The following DSCAML1 variants were observed in gnomAD, a reference collection of about 807,000 sequenced individuals.
DSCAML1 encodes cell adhesion molecule DSCAML1.
DSCAML1 carries 38 observed loss-of-function variants against 200.5 expected under a neutral mutation model. The ratio of observed to expected loss-of-function variants is 0.19; its 90% CI spans 0.15 to 0.25. The LOEUF (loss-of-function observed/expected upper bound fraction) is 0.25, where lower values mean the gene tolerates loss of function less well. Among genes scored for constraint, DSCAML1 ranks in the 10% least tolerant of loss-of-function variants. The pLI is 1.00. For missense variants in DSCAML1, 2,223 were observed against 2,858.8 expected (o/e 0.78, Z 5.07); for synonymous variants, 1,215 against 1,165.0 (o/e 1.04, Z -0.87).
chr11:117,542,640 G>A (rs943685492), intron 3 of DSCAML1, among the ~76,000 whole-genome samples: 3 of 152,226 alleles, frequency 2.0e-5, no homozygotes, highest in African/African-American at 2.4e-5. Context: ...TAAAAACTGC[G>A]AGAAAAGCAC....
chr11:117,632,177 A>G (rs80289671), intron 3 of DSCAML1, among the ~76,000 whole-genome samples: 5,903 of 152,318 alleles, frequency 0.039, 382 homozygotes, highest in African/African-American at 0.13. Flanking sequence ...GAGAGACATC[A>G]GCAGTAAACT....
At chr11:117,500,929 G>A (rs549120601) in intron 11 of DSCAML1, among the ~76,000 whole-genome samples, 23 of 152,264 alleles carry the variant, frequency 1.5e-4, no homozygotes, top group Admixed American at 6.5e-4. Context: ...GTTATTTTGG[G>A]TCAAAACTTT....
Position 117,516,839 on chromosome 11 carries a change from T to C in DSCAML1, c.1511-100A>G. 1 of 1,429,958 alleles carries C rather than the reference T, an allele frequency of 7.0e-7. No homozygotes were observed. The highest frequency in any genetic ancestry group is 9.3e-7 in the Non-Finnish European group (1 of 1,069,558). 88.6% of individuals were successfully genotyped at this position (1,429,958 alleles called of 1,614,324 possible). A position where few individuals can be genotyped will look rare whatever the true frequency, so the allele number is the denominator to read the frequency against. On this transcript the variant is annotated intron_variant, in intron 7 of 32. Transcript: ENST00000651296. The surrounding 1 kb of genome is among the most constrained non-coding windows in gnomAD (Gnocchi z 5.7). ...ACCCTGCGGTGCTCTTCTCAGGCAC[T>C]CGGCCCCTGAGACTTTCGGGGGCGG... is the stretch of plus-strand genomic sequence containing the variant.
chr11:117,559,109 AAAG>A (rs1204624017), intron 3 of DSCAML1, among the ~76,000 whole-genome samples: 2 of 147,716 alleles, frequency 1.4e-5, no homozygotes, highest in Non-Finnish European at 3.0e-5. Flanking sequence ...ATGGGGAAAA[AAAG>A]AAAAAGAAAG....
chr11:117,456,876 T>C (rs2048381282), intron 19 of DSCAML1, among the ~76,000 whole-genome samples: 2 of 152,238 alleles, frequency 1.3e-5, no homozygotes, highest in Admixed American at 6.5e-5. Flanking sequence ...GGTTTCCCCA[T>C]GTTGTCCAGG....
intron 3 of DSCAML1, among the ~76,000 whole-genome samples, chr11:117,737,327 A>G (rs1279390411): frequency 2.0e-5 from 3 of 152,248 alleles, no homozygotes; most frequent in African/African-American, 7.2e-5. Flanking sequence ...AACAAGGGCC[A>G]GGTTCCGCAT....
chr11:117,515,778 G>A (rs1411353209), intron 8 of DSCAML1, among the ~76,000 whole-genome samples: 1 of 151,730 alleles, frequency 6.6e-6, no homozygotes, highest in Non-Finnish European at 1.5e-5. Flanking sequence ...CTACCACCAC[G>A]CCCGGCTAAT....
intron 3 of DSCAML1, among the ~76,000 whole-genome samples, chr11:117,636,625 A>G (rs919335800): frequency 1.3e-5 from 2 of 152,148 alleles, no homozygotes; most frequent in Non-Finnish European, 2.9e-5. Context: ...TGCCTCACTG[A>G]AACCCCCAAC....
At chr11:117,743,098 G>C (rs11826147) in intron 3 of DSCAML1, among the ~76,000 whole-genome samples, 8,191 of 152,260 alleles carry the variant, frequency 0.054, 315 homozygotes, top group East Asian at 0.11. Context: ...CTCTGTGCTA[G>C]GAGAGAGAAT....
At chr11:117,525,152 A>T in intron 4 of DSCAML1, 69 bp from the exon 5 acceptor site, 1 of 1,458,684 alleles carries the variant, frequency 6.9e-7, no homozygotes, top group Non-Finnish European at 9.0e-7. Context: ...GGGGGAGGGA[A>T]GGCAAGCACC....
intron 19 of DSCAML1, among the ~76,000 whole-genome samples, chr11:117,458,290 C>A (rs2048412691): frequency 6.6e-6 from 1 of 152,202 alleles, no homozygotes; most frequent in South Asian, 2.1e-4. Context: ...TGGAGGCACA[C>A]CCCCATCCCT....
intron 3 of DSCAML1, among the ~76,000 whole-genome samples, chr11:117,651,747 G>A (rs894823671): frequency 6.1e-4 from 85 of 140,094 alleles, no homozygotes; most frequent in African/African-American, 1.9e-3. Context: ...AAGAATGATT[G>A]CATCCCTAAA....
intron 3 of DSCAML1, among the ~76,000 whole-genome samples, chr11:117,758,547 G>T (rs563514735): frequency 1.3e-5 from 2 of 151,728 alleles, no homozygotes; most frequent in Admixed American, 6.6e-5. Flanking sequence ...GACTACAGGC[G>T]CCTACCACCA....
intron 3 of DSCAML1, among the ~76,000 whole-genome samples, chr11:117,674,609 C>T (rs911814797): frequency 1.6e-4 from 24 of 152,144 alleles, no homozygotes; most frequent in African/African-American, 5.1e-4. Context: ...CCAGATATCC[C>T]GCTGCAGATT....
intron 3 of DSCAML1, among the ~76,000 whole-genome samples, chr11:117,590,476 C>A: frequency 6.6e-6 from 1 of 152,170 alleles, no homozygotes; most frequent in Non-Finnish European, 1.5e-5. Flanking sequence ...AAAGCAGCAG[C>A]CAGACACCTG....
intron 3 of DSCAML1, among the ~76,000 whole-genome samples, chr11:117,773,668 C>T (rs2055080100): frequency 6.6e-6 from 1 of 152,126 alleles, no homozygotes; most frequent in South Asian, 2.1e-4. Context: ...AAGCATGTGG[C>T]ATGTGGGCCC....
At position 117,780,846 on chromosome 11, in the gene DSCAML1, T is replaced by C; in HGVS notation, c.47-36A>G. On this transcript the variant is annotated intron_variant, in intron 1 of 32. Coordinates refer to ENST00000651296, the MANE Select transcript of DSCAML1 (RefSeq NM_020693.4). This position sits in a 1 kb window ranked among gnomAD's most constrained non-coding sequence, Gnocchi z 4.8. ...GGCAAGGGGAGAGACTTGGTTAGCA[T>C]GGGCTCTAACAATACCCATATAAGC... is the stretch of plus-strand genomic sequence containing the variant. 2.2e-6 allele frequency: 3 copies of C among 1,395,080 alleles called. No homozygotes were observed. The highest frequency in any genetic ancestry group is 2.8e-6 in the Non-Finnish European group (3 of 1,076,184). The allele number at this position is 1,395,080 out of a possible 1,614,324, so 86.4% of individuals were successfully genotyped here.
intron 16 of DSCAML1, among the ~76,000 whole-genome samples, chr11:117,468,587 C>T (rs184808856): frequency 4.6e-5 from 7 of 152,272 alleles, no homozygotes; most frequent in South Asian, 2.1e-4. Flanking sequence ...ATTGGATGCC[C>T]GGCCTCACCC....
At chr11:117,479,337 C>A (rs1388160739) in intron 14 of DSCAML1, among the ~76,000 whole-genome samples, 1 of 152,248 alleles carries the variant, frequency 6.6e-6, no homozygotes, top group Non-Finnish European at 1.5e-5. Context: ...CTAGATTCTA[C>A]TGTTTTCTAT....
Sources: gnomAD v4.1 joint callset for allele counts (sites outside exome capture counted in the v4.1 genomes callset) on GRCh38, gnomAD v4.1.1 for gene constraint, Gnocchi (gnomAD v3.1) non-coding constraint, MANE v1.5 for transcripts, NCBI Gene and HGNC (gene_info 2026-07-23, HGNC 2026-07-21) for gene names.